Variants in PLCH1 observed in about 807,000 individuals in gnomAD.
PLCH1 encodes the protein 1-phosphatidylinositol 4,5-bisphosphate phosphodiesterase eta-1.
PLCH1 carries 60 observed loss-of-function variants against 126.7 expected under a neutral mutation model. That is an observed-to-expected ratio of 0.47 (90% CI 0.38 to 0.59). The LOEUF (loss-of-function observed/expected upper bound fraction) is 0.59, where lower values mean the gene tolerates loss of function less well. Ranked by LOEUF, PLCH1 falls within the 20% of genes least tolerant of loss-of-function variation. The pLI is 0.00. For missense variants in PLCH1, 1,723 were observed against 2,040.0 expected, an observed-to-expected ratio of 0.84 and a Z score of 2.99; for synonymous variants, 719 against 734.9, an observed-to-expected ratio of 0.98 and a Z score of 0.35.
intron 11 of PLCH1, among the ~76,000 whole-genome samples, chr3:155,523,159 G>A (rs536226331): frequency 3.4e-4 from 51 of 151,652 alleles, no homozygotes; most frequent in Admixed American, 1.4e-3. Flanking sequence ...TGTATTTTTA[G>A]TAGAGACGGG....
chr3:155,701,576 G>A (rs1746276404), intron 2 of PLCH1, among the ~76,000 whole-genome samples: 1 of 152,164 alleles, frequency 6.6e-6, no homozygotes, highest in Non-Finnish European at 1.5e-5. Flanking sequence ...ATTTTGTTAT[G>A]TAAGGAGAGT....
At chr3:155,561,211 C>T (rs1727549944) in intron 8 of PLCH1, among the ~76,000 whole-genome samples, 1 of 151,162 alleles carries the variant, frequency 6.6e-6, no homozygotes, top group South Asian at 2.1e-4. Flanking sequence ...ATACATGTGC[C>T]ATGCTGGTGC....
chr3:155,723,748 G>C (rs891400675), intron 1 of PLCH1, among the ~76,000 whole-genome samples: 40 of 152,156 alleles, frequency 2.6e-4, no homozygotes, highest in African/African-American at 9.6e-4. Flanking sequence ...AAGGTCAGGA[G>C]TTTGAGACCA....
chr3:155,730,434 C>T (rs1436775927), intron 1 of PLCH1, among the ~76,000 whole-genome samples: 2 of 152,046 alleles, frequency 1.3e-5, no homozygotes, highest in Admixed American at 1.3e-4. Context: ...GGCGCCCGCA[C>T]CACGCCCAGC....
intron 21 of PLCH1, among the ~76,000 whole-genome samples, chr3:155,472,679 A>G (rs1576769280): frequency 2.0e-5 from 3 of 151,648 alleles, no homozygotes; most frequent in South Asian, 2.1e-4. Flanking sequence ...AAAATCCTCA[A>G]TAAAATACTG....
chr3:155,692,612 T>G (rs1745478519), intron 2 of PLCH1, among the ~76,000 whole-genome samples: 1 of 152,132 alleles, frequency 6.6e-6, no homozygotes, highest in Non-Finnish European at 1.5e-5. Flanking sequence ...CAGCAACATC[T>G]TGTTCCGTAC....
chr3:155,523,753 C>CCAGCAAATAAAGTAATTTT, intron 11 of PLCH1, 144 bp downstream of exon 11: 1 of 553,820 alleles, frequency 1.8e-6, no homozygotes, highest in Non-Finnish European at 3.2e-6. Flanking sequence ...TGTCTATGTG[C>CCAGCAAATAAAGTAATTTT]CAGCAAATAA....
At chr3:155,485,316 C>A in intron 22 of PLCH1, 40 bp downstream of exon 22, 1 of 1,327,554 alleles carries the variant, frequency 7.5e-7, no homozygotes, top group Admixed American at 1.8e-5. Flanking sequence ...GACATGCAGC[C>A]TAGAAGGGTT....
chr3:155,734,355 G>T (rs1359332529), intron 1 of PLCH1, among the ~76,000 whole-genome samples: 1 of 152,046 alleles, frequency 6.6e-6, no homozygotes, highest in Non-Finnish European at 1.5e-5. Flanking sequence ...AGCTACTCAG[G>T]AGACTGAGGT....
chr3:155,650,804 G>A (rs907530292), intron 2 of PLCH1, among the ~76,000 whole-genome samples: 8 of 152,280 alleles, frequency 5.3e-5, no homozygotes, highest in East Asian at 3.9e-4. Context: ...ATGGGAGGCC[G>A]AGGCGGGTGG....
At chr3:155,537,198 A>AACAAC (rs1723494168) in intron 10 of PLCH1, among the ~76,000 whole-genome samples, 1 of 128,094 alleles carries the variant, frequency 7.8e-6, no homozygotes, top group Non-Finnish European at 1.6e-5. Flanking sequence ...AAAAAAAAAA[A>AACAAC]AACCAAAAAA....
chr3:155,517,161 G>C (rs1445918145), intron 11 of PLCH1, among the ~76,000 whole-genome samples: 1 of 152,036 alleles, frequency 6.6e-6, no homozygotes, highest in Non-Finnish European at 1.5e-5. Flanking sequence ...TACAAAATTA[G>C]CTGGGCATGG....
intron 5 of PLCH1, 103 bp from the exon 6 acceptor site, chr3:155,583,745 A>G: frequency 1.4e-6 from 1 of 736,090 alleles, no homozygotes. Context: ...CACAAATCCC[A>G]AGAGGTGAGC....
At chr3:155,538,101 C>T (rs779783887) in intron 10 of PLCH1, among the ~76,000 whole-genome samples, 2 of 152,012 alleles carry the variant, frequency 1.3e-5, no homozygotes, top group African/African-American at 4.8e-5. Context: ...AGGAACCCCA[C>T]AAAACGTGCA....
intron 2 of PLCH1, 133 bp from the exon 3 acceptor site, chr3:155,596,511 A>C: frequency 3.5e-6 from 2 of 576,578 alleles, no homozygotes; most frequent in Non-Finnish European, 2.9e-6. Flanking sequence ...TGGTAGAGGT[A>C]ATCTGAAAAG....
In PLCH1 at chr3:155,488,763, G is replaced by A. The variant is rs1476177571; in HGVS notation, c.2436C>T (p.His812=). The A allele has an allele frequency of 6.2e-7, 1 of 1,613,678 alleles. No individual in the cohort carries two copies. Among genetic ancestry groups the A allele is most frequent in the Non-Finnish European group, 8.5e-7 (1 of 1,179,634 alleles). Residue 812 remains histidine (H), a synonymous_variant, in exon 20 of 23, where the codon CAC becomes CAT. Transcript: ENST00000460012. ...VWEETLTFTV[H]MPEIALVRFL... is the part of the protein sequence containing the mutation. ...ACCGAACCAAAGCTATTTCTGGCAT[G>A]TGTACTGTAAATGTCAGTGTTTCTT... is the stretch of plus-strand genomic sequence containing the variant.
Position 155,481,528 on chromosome 3 carries a change from C to T in PLCH1, c.4498G>A (p.Glu1500Lys). 3.7e-6 allele frequency: 6 copies of T among 1,614,136 alleles called. No homozygotes were observed. Among genetic ancestry groups the T allele is most frequent in the Non-Finnish European group, 5.1e-6 (6 of 1,180,014 alleles). Residue 1500 changes from glutamate to lysine, a missense_variant, in exon 23 of 23, where the codon GAG becomes AAG. Physicochemically the swap from Glu to Lys is moderately conservative, Grantham distance 56. Around this residue, in one of 2 missense-constraint regions of PLCH1, gnomAD observed 947 missense variants for 977.1 expected, o/e 0.97. Transcript: ENST00000460012. This position sits in a 1 kb window ranked among gnomAD's most constrained non-coding sequence, Gnocchi z 4.2. ...LTSEDIACNF[E>K]SKYQCISKSF... ...TTACTAATACACTGGTACTTGCTCT[C>T]AAAATTGCAGGCAATGTCCTCTGAT...
intron 2 of PLCH1, among the ~76,000 whole-genome samples, chr3:155,601,131 C>T (rs926730992): frequency 2.0e-5 from 3 of 152,056 alleles, no homozygotes; most frequent in African/African-American, 7.2e-5. Context: ...CACGCCACCA[C>T]GCCCGGCCAA....
rs1444773912 is a variant in PLCH1, at chr3:155,717,359, A to G, written c.-40-13095T>C. Among the ~76,000 whole-genome samples, 8 of 152,326 alleles carry G rather than the reference A, an allele frequency of 5.3e-5. No homozygotes were observed. In the East Asian group the frequency reaches 1.5e-3, roughly 29 times the overall value. ...CACTAGGCAGTGCCCTGGTGGGGAC[A>G]GTGTGTGGAAGCTCCATCCCCACAT... On this transcript the variant is annotated intron_variant, in intron 1 of 22. Coordinates refer to ENST00000460012, the MANE Select transcript of PLCH1 (RefSeq NM_014996.4).
Sources: allele counts gnomAD v4.1 joint callset (sites outside exome capture counted in the v4.1 genomes callset), GRCh38; gene constraint gnomAD v4.1.1; regional missense constraint gnomAD v4.1.1; non-coding constraint Gnocchi (gnomAD v3.1); transcripts MANE v1.5; gene names NCBI Gene and HGNC (gene_info 2026-07-23, HGNC 2026-07-21).